Variants in ROBO3 observed in about 807,000 individuals in gnomAD.
ROBO3 encodes the protein roundabout guidance receptor 3.
Under a neutral mutation model 160.5 loss-of-function variants are expected in ROBO3, and 97 were observed. The observed-to-expected ratio is 0.60, with a 90% CI of 0.51 to 0.72. ROBO3 has a LOEUF of 0.72. Ranked by LOEUF, ROBO3 falls within the 30% of genes least tolerant of loss-of-function variation. ROBO3 has a pLI of 0.00. For synonymous variants in ROBO3, 780 were observed against 746.2 expected, an observed-to-expected ratio of 1.05 and a Z score of -0.74; for missense variants, 1,858 against 1,846.5, an observed-to-expected ratio of 1.01 and a Z score of -0.11.
In ROBO3 at chr11:124,871,151, C is replaced by A. The variant is rs754853826; in HGVS notation, c.1158+13C>A. 6.2e-7 allele frequency: 1 copy of A among 1,606,354 alleles called. No individual in the cohort carries two copies. Among genetic ancestry groups the A allele is most frequent in the East Asian group, 2.2e-5 (1 of 44,688 alleles). On this transcript the variant is annotated intron_variant, in intron 7 of 27. Transcript: ENST00000397801. ...GGAGGGGAGTCAGGTGGGTGGCCAT[C>A]TCCAAGGAGCTTCCCATCAGCCTTC...
At chr11:124,877,495 C>A in intron 19 of ROBO3, 24 bp from the exon 20 acceptor site, 1 of 1,600,100 alleles carries the variant, frequency 6.2e-7, no homozygotes, top group Non-Finnish European at 8.5e-7. Flanking sequence ...TCTCCGTCCC[C>A]AACGCTCACC....
At chr11:124,867,922 G>A (rs1269592711) in intron 1 of ROBO3, among the ~76,000 whole-genome samples, 2 of 152,154 alleles carry the variant, frequency 1.3e-5, no homozygotes, top group African/African-American at 2.4e-5. Flanking sequence ...CTGGACTAGG[G>A]GCTGAGAGTG....
rs751591086 is a variant in ROBO3 at position 124,878,792 on chromosome 11, C to T, written c.3529C>T (p.Pro1177Ser). 3.1e-6 allele frequency: 5 copies of T among 1,610,904 alleles called. No individual in the cohort carries two copies. The highest frequency in any genetic ancestry group is 4.2e-6 in the Non-Finnish European group (5 of 1,178,340). The change falls in exon 23 of 28, where the codon CCC becomes TCC. Residue 1177 changes from proline to serine, a missense_variant. Pro to Ser is a moderately conservative substitution (Grantham distance 74, BLOSUM62 -1). Transcript: ENST00000397801. The surrounding 1 kb of genome is among the most constrained non-coding windows in gnomAD (Gnocchi z 4.3). Reference protein sequence around the residue: ...PTDMPHLHQMPRRVPLGPSSP... With the variant: ...PTDMPHLHQMSRRVPLGPSSP... ...TGACATGCCCCATCTCCATCAGATGCCCAGGTAGGGAGGTATATAGTACCT... is the reference window on the plus strand; with the variant it reads ...TGACATGCCCCATCTCCATCAGATGTCCAGGTAGGGAGGTATATAGTACCT...
intron 1 of ROBO3, among the ~76,000 whole-genome samples, chr11:124,868,262 G>A (rs1319102705): frequency 6.6e-6 from 1 of 152,120 alleles, no homozygotes; most frequent in Non-Finnish European, 1.5e-5. Flanking sequence ...TTCTAGGCCC[G>A]GCCCTGTCAC....
At chr11:124,870,804 G>T in intron 6 of ROBO3, 76 bp downstream of exon 6, 2 of 1,572,230 alleles carry the variant, frequency 1.3e-6, no homozygotes, top group South Asian at 1.2e-5. Context: ...AAGAGACTGA[G>T]GGAGAAAGGG....
In ROBO3 at chr11:124,881,208, T is replaced by C. The variant is rs774355478; in HGVS notation, c.4150-31T>C. On this transcript the variant is annotated intron_variant, in intron 27 of 27. Coordinates refer to ENST00000397801, the MANE Select transcript of ROBO3 (RefSeq NM_022370.4). ...ACTTGTTTGCCCTGGGCCAGGGTTT[T>C]ACAAAACAGCATCTCTCTCTCTCTC... 26 of 1,600,046 alleles carry C rather than the reference T, an allele frequency of 1.6e-5. No individual in the cohort carries two copies. The South Asian group carries it at 2.5e-4, about 15-fold the overall frequency.
At position 124,876,494 on chromosome 11, in the gene ROBO3, G is replaced by A; in HGVS notation, c.2779+34G>A. 2.9e-6 allele frequency: 4 copies of A among 1,357,206 alleles called. No homozygotes were observed. The highest frequency in any genetic ancestry group is 3.8e-6 in the Non-Finnish European group (4 of 1,060,208). 84.1% of individuals were successfully genotyped at this position (1,357,206 alleles called of 1,614,324 possible). A position where few individuals can be genotyped will look rare whatever the true frequency, so the allele number is the denominator to read the frequency against. On this transcript the variant is annotated intron_variant, in intron 17 of 27. Coordinates refer to ENST00000397801, the MANE Select transcript of ROBO3 (RefSeq NM_022370.4). This position sits in a 1 kb window ranked among gnomAD's most constrained non-coding sequence, Gnocchi z 5.3. Reference sequence around the variant, plus strand: ...CCGGCCTCGGAGCGGACGGATCCGGGAGGGAGCCAGGCGGCCCATGGGGAG... The same window carrying A: ...CCGGCCTCGGAGCGGACGGATCCGGAAGGGAGCCAGGCGGCCCATGGGGAG...
In ROBO3 at chr11:124,869,025, C is replaced by A. The variant is rs753737249; in HGVS notation, c.384C>A (p.Ile128=). The change falls in exon 2 of 28, where the codon ATC becomes ATA. Residue 128 remains isoleucine (I), a synonymous_variant. Transcript: ENST00000397801. The surrounding 1 kb of genome is among the most constrained non-coding windows in gnomAD (Gnocchi z 4.2). ...GCGGCGCCCTCTTCTTCCCGCGCATCGTGCACGGGCGCCGCGCGCGGCCGG... is the reference window on the plus strand; with the variant it reads ...GCGGCGCCCTCTTCTTCCCGCGCATAGTGCACGGGCGCCGCGCGCGGCCGG... ...LPSGALFFPR[I]VHGRRARPDE... 2.5e-6 allele frequency: 4 copies of A among 1,601,572 alleles called. No homozygotes were observed. The highest frequency in any genetic ancestry group is 3.4e-5 in the Admixed American group (2 of 58,298).
In ROBO3 at chr11:124,880,556, GT is replaced by G. The variant is rs759310343; in HGVS notation, c.4098del (p.Arg1367GlyfsTer52). On this transcript the variant is annotated frameshift_variant, in exon 27 of 28. Transcript: ENST00000397801. LOFTEE classifies it high-confidence loss of function. ...RGSRGPGRSR[S>X]RSQSRSQSQR... ...TCCCGGGGCCCTGGCCGGAGCCGGA[GT>G]CGGAGTCAGAGCCGGAGCCAGAGCC... The G allele has an allele frequency of 1.5e-3, 1,219 of 802,716 alleles. 14 individuals carry two copies. The African/African-American group carries it at 0.077, about 51-fold the overall frequency. 49.7% of individuals were successfully genotyped at this position (802,716 alleles called of 1,614,324 possible).
rs1946477075 is a variant in ROBO3 at position 124,878,823 on chromosome 11, A to G, written c.3533+27A>G. On this transcript the variant is annotated intron_variant, in intron 23 of 27. Coordinates refer to ENST00000397801, the MANE Select transcript of ROBO3 (RefSeq NM_022370.4). The surrounding 1 kb of genome is among the most constrained non-coding windows in gnomAD (Gnocchi z 4.3). ...TAGGGAGGTATATAGTACCTCACTC[A>G]TTGCAAGCCCTCTATACGTATCTAC... 1 of 1,552,192 alleles carries G rather than the reference A, an allele frequency of 6.4e-7. No individual in the cohort carries two copies. Among genetic ancestry groups the G allele is most frequent in the African/African-American group, 1.4e-5 (1 of 73,680 alleles).
intron 13 of ROBO3, 24 bp from the exon 14 acceptor site, chr11:124,875,085 GGT>G (rs1392052371): frequency 3.8e-6 from 6 of 1,568,378 alleles, no homozygotes; most frequent in Non-Finnish European, 5.2e-6. Context: ...CTCCCCTTCT[GGT>G]GTGCCTTGTC....
intron 13 of ROBO3, 58 bp downstream of exon 13, chr11:124,874,967 C>T: frequency 1.3e-6 from 2 of 1,568,034 alleles, no homozygotes; most frequent in South Asian, 1.2e-5. Context: ...CACATGAGGG[C>T]CTCCAAGAGT....
At chr11:124,870,778 A>G in intron 6 of ROBO3, 50 bp downstream of exon 6, 1 of 1,595,064 alleles carries the variant, frequency 6.3e-7, no homozygotes, top group South Asian at 1.1e-5. Context: ...AGGAGGGGAG[A>G]AGGAGGATGG....
intron 1 of ROBO3, chr11:124,868,422 A>G: frequency 1.8e-6 from 1 of 548,848 alleles, no homozygotes; most frequent in Non-Finnish European, 3.3e-6. Context: ...GAACCAGTGC[A>G]GGTGGAGATG....
chr11:124,880,203 C>T (rs1262973822), intron 26 of ROBO3, among the ~76,000 whole-genome samples: 2 of 152,214 alleles, frequency 1.3e-5, no homozygotes, highest in South Asian at 2.1e-4. Context: ...ACAAGGCTCC[C>T]TCTGATTGGG....
At position 124,869,500 on chromosome 11, in the gene ROBO3, G is replaced by C. The variant is rs757833243; in HGVS notation, c.538G>C (p.Gly180Arg). Residue 180 changes from glycine (G) to arginine (R), a missense_variant, in exon 3 of 28, where the codon GGG becomes CGG. Coordinates refer to ENST00000397801, the MANE Select transcript of ROBO3 (RefSeq NM_022370.4). The surrounding 1 kb of genome is among the most constrained non-coding windows in gnomAD (Gnocchi z 4.2). ...TCCTGGAAACGTGGTGGTGGCAGTG[G>C]GGGAGCCAGCAGTACTGGAATGCGT... ...QSPGNVVVAV[G>R]EPAVLECVPP... The C allele has an allele frequency of 5.8e-6, 9 of 1,560,456 alleles. 1 individual carries two copies. In the Middle Eastern group the frequency reaches 1.3e-3, roughly 233 times the overall value.
Position 124,873,365 on chromosome 11 carries a change from C to T in ROBO3, c.1592C>T (p.Thr531Ile). 6.2e-7 allele frequency: 1 copy of T among 1,612,580 alleles called. No homozygotes were observed. Among genetic ancestry groups the T allele is most frequent in the South Asian group, 1.1e-5 (1 of 90,484 alleles). The change falls in exon 10 of 28, where the codon ACA becomes ATA. Residue 531 changes from threonine to isoleucine, a missense_variant. Physicochemically the swap from Thr to Ile is moderately conservative, Grantham distance 89. Coordinates refer to ENST00000397801, the MANE Select transcript of ROBO3 (RefSeq NM_022370.4). This position sits in a 1 kb window ranked among gnomAD's most constrained non-coding sequence, Gnocchi z 4.5. ...GCCAAGAGTTCCACAGGGGAAGCCA[C>T]ATGGAGCGGCTGGCTTAAGATGCGG... ...CVAKSSTGEA[T>I]WSGWLKMRED... is the part of the protein sequence containing the mutation.
chr11:124,870,918 A>C, intron 6 of ROBO3, 96 bp from the exon 7 acceptor site: 1 of 1,544,206 alleles, frequency 6.5e-7, no homozygotes, highest in Non-Finnish European at 8.8e-7. Flanking sequence ...GCTCCTGTAC[A>C]CTTGAGCTAA....
chr11:124,869,018 C>T lies in ROBO3; in HGVS notation c.377C>T (p.Pro126Leu), dbSNP rs766666365. 4.4e-6 allele frequency: 7 copies of T among 1,601,404 alleles called. No individual in the cohort carries two copies. The South Asian group carries it at 6.7e-5, about 15-fold the overall frequency. The change falls in exon 2 of 28, where the codon CCG becomes CTG. Residue 126 changes from proline (P) to leucine (L), a missense_variant. Coordinates refer to ENST00000397801, the MANE Select transcript of ROBO3 (RefSeq NM_022370.4). The surrounding 1 kb of genome is among the most constrained non-coding windows in gnomAD (Gnocchi z 4.2). ...CTGCCCAGCGGCGCCCTCTTCTTCC[C>T]GCGCATCGTGCACGGGCGCCGCGCG... The part of the protein sequence containing the change: ...LLLPSGALFF[P>L]RIVHGRRARP...
Sources: allele counts gnomAD v4.1 joint callset (sites outside exome capture counted in the v4.1 genomes callset), GRCh38; gene constraint gnomAD v4.1.1; non-coding constraint Gnocchi (gnomAD v3.1); transcripts MANE v1.5; gene names NCBI Gene and HGNC (gene_info 2026-07-23, HGNC 2026-07-21).